Variants in CRBN observed in about 807,000 individuals in gnomAD.
The protein encoded by CRBN is cereblon.
In CRBN, 53 loss-of-function variants were observed where a neutral mutation model predicts 62.2. That is an observed-to-expected ratio of 0.85 (90% CI 0.68 to 1.07). The LOEUF (loss-of-function observed/expected upper bound fraction) is 1.07, where lower values mean the gene tolerates loss of function less well. Among genes scored for constraint, CRBN ranks in the 50% least tolerant of loss-of-function variants. The probability of loss-of-function intolerance (pLI) is 0.00; values close to 1 mark genes in which losing one functional copy is unlikely to be tolerated. For synonymous variants in CRBN, 208 were observed against 176.1 expected, an observed-to-expected ratio of 1.18 and a Z score of -1.43; for missense variants, 616 against 531.1, an observed-to-expected ratio of 1.16 and a Z score of -1.57.
rs1230369421 is a variant in CRBN, at chr3:3,153,895, C to T, written c.951+65G>A. ...CTATACAGAGCTCCATTGGCCCCAA[C>T]AGAGCATCCTAGTTCTCCAGCCTGA... On this transcript the variant is annotated intron_variant, in intron 8 of 10. Coordinates refer to ENST00000231948, the MANE Select transcript of CRBN (RefSeq NM_016302.4). 7 of 1,012,884 alleles carry T rather than the reference C, an allele frequency of 6.9e-6. No homozygotes were observed. In the Admixed American group the frequency reaches 1.0e-4, roughly 15 times the overall value. 62.7% of individuals were successfully genotyped at this position (1,012,884 alleles called of 1,614,324 possible). A position where few individuals can be genotyped will look rare whatever the true frequency, so the allele number is the denominator to read the frequency against.
chr3:3,174,245 A>C lies in CRBN; in HGVS notation c.191T>G (p.Met64Arg). The change falls in exon 3 of 11, where the codon ATG (methionine) becomes AGG (arginine). Residue 64 changes from methionine to arginine, a missense_variant. By Grantham distance (91) the Met-to-Arg change is moderately conservative. Transcript: ENST00000231948. Reference sequence around the variant, plus strand: ...CAAAGTCCTGCCATGAAATTCTTCCATATCAGCACCTAGGTACTATATAAA... The same window carrying C: ...CAAAGTCCTGCCATGAAATTCTTCCCTATCAGCACCTAGGTACTATATAAA... ...PTSHTYLGAD[M>R]EEFHGRTLHD... The C allele has an allele frequency of 6.2e-7, 1 of 1,613,750 alleles. No homozygotes were observed. Among genetic ancestry groups the C allele is most frequent in the Non-Finnish European group, 8.5e-7 (1 of 1,179,604 alleles).
At chr3:3,164,084 C>T (rs937817116) in intron 5 of CRBN, among the ~76,000 whole-genome samples, 2 of 152,186 alleles carry the variant, frequency 1.3e-5, no homozygotes, top group African/African-American at 2.4e-5. Context: ...GATTGCTCCA[C>T]TGACGAGCCC....
chr3:3,155,026 C>A, intron 6 of CRBN, 195 bp from the exon 7 acceptor site: 2 of 597,226 alleles, frequency 3.3e-6, no homozygotes, highest in Non-Finnish European at 5.9e-6. Flanking sequence ...TGTCTGCCTT[C>A]CAGCCTTTTC....
chr3:3,150,789 T>C lies in CRBN; in HGVS notation c.*76A>G, dbSNP rs1706476079. On this transcript the variant is annotated 3_prime_UTR_variant, in exon 11 of 11. Transcript: ENST00000231948. The stretch of plus-strand genomic sequence containing the variant: ...AATGTTATGTTTACTTAGGTATGTA[T>C]CAGAGGCAATAATTTCCAAAGCAGA... 8 of 1,390,736 alleles carry C rather than the reference T, an allele frequency of 5.8e-6. No homozygotes were observed. In the South Asian group the frequency reaches 9.8e-5, roughly 17 times the overall value. 86.1% of individuals were successfully genotyped at this position (1,390,736 alleles called of 1,614,324 possible). A position where few individuals can be genotyped will look rare whatever the true frequency, so the allele number is the denominator to read the frequency against.
chr3:3,153,924 A>C lies in CRBN; in HGVS notation c.951+36T>G, dbSNP rs181497249. 16 of 1,314,814 alleles carry C rather than the reference A, an allele frequency of 1.2e-5. 1 individual carries two copies. The highest frequency in any genetic ancestry group is 1.7e-5 in the Admixed American group (1 of 59,518). 81.4% of individuals were successfully genotyped at this position (1,314,814 alleles called of 1,614,324 possible). A position where few individuals can be genotyped will look rare whatever the true frequency, so the allele number is the denominator to read the frequency against. On this transcript the variant is annotated intron_variant, in intron 8 of 10. Transcript: ENST00000231948. ...GCATCCTAGTTCTCCAGCCTGAATAAAACATGGGCATCAAAAACATATTCA... is the reference window on the plus strand; with the variant it reads ...GCATCCTAGTTCTCCAGCCTGAATACAACATGGGCATCAAAAACATATTCA...
At chr3:3,159,595 C>T (rs1035350311) in intron 5 of CRBN, among the ~76,000 whole-genome samples, 1 of 152,168 alleles carries the variant, frequency 6.6e-6, no homozygotes, top group Non-Finnish European at 1.5e-5. Flanking sequence ...TGCCACCATG[C>T]CCATGAGCAA....
At chr3:3,164,768 C>G (rs1438950281) in intron 5 of CRBN, among the ~76,000 whole-genome samples, 1 of 152,200 alleles carries the variant, frequency 6.6e-6, no homozygotes, top group African/African-American at 2.4e-5. Context: ...TGTTTTCATG[C>G]TTGGTAACAA....
In CRBN at chr3:3,150,908, G is replaced by C; in HGVS notation, c.1286C>G (p.Thr429Ser). The change falls in exon 11 of 11, where the codon ACT (threonine) becomes AGT (serine). Residue 429 changes from threonine to serine, a missense_variant. Coordinates refer to ENST00000231948, the MANE Select transcript of CRBN (RefSeq NM_016302.4). ...TTTGTCTGGACTTATTTCATCTTCA[G>C]TGTCTGGGATCGTGGGCAACAGAGC... is the stretch of plus-strand genomic sequence containing the variant. The part of the protein sequence containing the change: ...RSALLPTIPD[T>S]EDEISPDKVI... The C allele has an allele frequency of 6.2e-7, 1 of 1,613,926 alleles. No homozygotes were observed. Among genetic ancestry groups the C allele is most frequent in the South Asian group, 1.1e-5 (1 of 91,076 alleles).
chr3:3,162,178 C>G (rs1707168599), intron 5 of CRBN, among the ~76,000 whole-genome samples: 1 of 152,194 alleles, frequency 6.6e-6, no homozygotes, highest in African/African-American at 2.4e-5. Flanking sequence ...TTTGACTTAT[C>G]TTTACATTTC....
At chr3:3,172,672 T>C in intron 4 of CRBN, 104 bp downstream of exon 4, 1 of 1,231,340 alleles carries the variant, frequency 8.1e-7, no homozygotes, top group South Asian at 1.2e-5. Flanking sequence ...GAACAACTAG[T>C]TAAAAGTTAC....
intron 10 of CRBN, among the ~76,000 whole-genome samples, chr3:3,151,620 C>A (rs551822579): frequency 6.6e-6 from 1 of 152,154 alleles, no homozygotes; most frequent in African/African-American, 2.4e-5. Context: ...CCTAGGTATA[C>A]CATGCCACAT....
Position 3,154,079 on chromosome 3 carries a change from C to T in CRBN, c.836-4G>A. The T allele has an allele frequency of 6.4e-7, 1 of 1,563,028 alleles. No individual in the cohort carries two copies. The highest frequency in any genetic ancestry group is 8.8e-7 in the Non-Finnish European group (1 of 1,133,518). On this transcript the variant is annotated splice_region_variant and splice_polypyrimidine_tract_variant and intron_variant, in intron 7 of 10. Coordinates refer to ENST00000231948, the MANE Select transcript of CRBN (RefSeq NM_016302.4). The stretch of plus-strand genomic sequence containing the variant: ...GCAGCTACTCTGTAAGAAAAATCTT[C>T]AAGACATGGTTTTTCAAGTTTTAAA...
At position 3,154,064 on chromosome 3, in the gene CRBN, T is replaced by G; in HGVS notation, c.847A>C (p.Arg283=). The change falls in exon 8 of 11, where the codon AGA becomes CGA. Residue 283 remains arginine (R), a synonymous_variant. Coordinates refer to ENST00000231948, the MANE Select transcript of CRBN (RefSeq NM_016302.4). ...TCAATAGGAAGACAAGCAGCTACTC[T>G]GTAAGAAAAATCTTCAAGACATGGT... The part of the protein sequence containing the change: ...LPSNPIDFSY[R]VAACLPIDDV... 1 of 1,609,372 alleles carries G rather than the reference T, an allele frequency of 6.2e-7. No homozygotes were observed. Among genetic ancestry groups the G allele is most frequent in the Non-Finnish European group, 8.5e-7 (1 of 1,175,638 alleles).
At chr3:3,155,351 T>G (rs2291398) in intron 6 of CRBN, 54,104 of 155,200 alleles carry the variant, frequency 0.35, 10,447 homozygotes, top group East Asian at 0.78. Flanking sequence ...GTGCATGTTG[T>G]TGAGTTTTCC....
intron 5 of CRBN, among the ~76,000 whole-genome samples, chr3:3,159,291 T>G (rs1307607966): frequency 6.6e-6 from 1 of 152,118 alleles, no homozygotes; most frequent in Non-Finnish European, 1.5e-5. Context: ...AGCTTATATT[T>G]TAGAGAGAAG....
chr3:3,166,807 A>T, intron 5 of CRBN, among the ~76,000 whole-genome samples: 1 of 152,104 alleles, frequency 6.6e-6, no homozygotes, highest in East Asian at 1.9e-4. Flanking sequence ...CACTTCATTA[A>T]TTATCCATAA....
chr3:3,153,402 A>T (rs533854593), intron 9 of CRBN, 22 bp downstream of exon 9: 2 of 1,315,086 alleles, frequency 1.5e-6, no homozygotes, highest in South Asian at 2.4e-5. Context: ...CAAGTATATT[A>T]AAAACGTAAT....
intron 7 of CRBN, 110 bp from the exon 8 acceptor site, chr3:3,154,185 C>T: frequency 1.4e-6 from 1 of 720,172 alleles, no homozygotes; most frequent in East Asian, 2.6e-5. Flanking sequence ...TAAGGTTACA[C>T]ATTTTATACA....
intron 5 of CRBN, among the ~76,000 whole-genome samples, chr3:3,166,120 C>T (rs1200774143): frequency 6.6e-6 from 1 of 151,890 alleles, no homozygotes; most frequent in Non-Finnish European, 1.5e-5. Context: ...CTGGCTGTGT[C>T]CCCACTCAAA....
Sources: gnomAD v4.1 joint callset for allele counts (sites outside exome capture counted in the v4.1 genomes callset) on GRCh38, gnomAD v4.1.1 for gene constraint, MANE v1.5 for transcripts, NCBI Gene and HGNC (gene_info 2026-07-23, HGNC 2026-07-21) for gene names.